The following SH3PXD2B variants were observed in gnomAD, a reference collection of about 807,000 sequenced individuals.
The protein encoded by SH3PXD2B is SH3 and PX domain-containing protein 2B.
A neutral mutation model predicts 73.1 loss-of-function variants in SH3PXD2B; 37 were observed. The ratio of observed to expected loss-of-function variants is 0.51; its 90% CI spans 0.39 to 0.67. The LOEUF is 0.67. SH3PXD2B is among the 30% of genes least tolerant of loss of function. The pLI is 0.00. For synonymous variants in SH3PXD2B, 457 were observed against 480.5 expected, an observed-to-expected ratio of 0.95 and a Z score of 0.64; for missense variants, 1,053 against 1,197.8, an observed-to-expected ratio of 0.88 and a Z score of 1.78.
In SH3PXD2B at chr5:172,383,174, C is replaced by T. The variant is rs141619775; in HGVS notation, c.310-1047G>A. Among the ~76,000 whole-genome samples the T allele has an allele frequency of 1.6e-4, 25 of 152,274 alleles. No homozygotes were observed. In the East Asian group the frequency reaches 3.9e-3, roughly 23 times the overall value. On this transcript the variant is annotated intron_variant, in intron 4 of 12. Coordinates refer to ENST00000311601, the MANE Select transcript of SH3PXD2B (RefSeq NM_001017995.3). The stretch of plus-strand genomic sequence containing the variant: ...ATGCTCACATATATGTCTTAACTCA[C>T]GAATCTGAAGCATTAAAGTGAAGGG...
chr5:172,447,470 TACTAGGTTTGTA>T (rs1405814435), intron 1 of SH3PXD2B, among the ~76,000 whole-genome samples: 1 of 152,248 alleles, frequency 6.6e-6, no homozygotes, highest in Non-Finnish European at 1.5e-5. Flanking sequence ...TCATAAATGA[TACTAGGTTTGTA>T]CACTCCTAAT....
intron 2 of SH3PXD2B, among the ~76,000 whole-genome samples, chr5:172,408,627 C>T (rs1163498546): frequency 1.3e-5 from 2 of 150,750 alleles, no homozygotes; most frequent in African/African-American, 4.9e-5. Context: ...CAACCTCCAC[C>T]TCCCAGGTTC....
At chr5:172,400,997 A>G (rs191307575) in intron 3 of SH3PXD2B, among the ~76,000 whole-genome samples, 139 of 152,356 alleles carry the variant, frequency 9.1e-4, no homozygotes, top group African/African-American at 3.2e-3. Context: ...TAGTCACTGC[A>G]CTGGCCACCA....
At chr5:172,331,447 A>AT (rs985274367), downstream of SH3PXD2B, among the ~76,000 whole-genome samples, 2 of 152,198 alleles carry the variant, frequency 1.3e-5, no homozygotes, top group African/African-American at 4.8e-5. Flanking sequence ...TTTGAGAGCC[A>AT]TTGATTAGGA....
At chr5:172,375,977 C>T (rs1353351777) in intron 5 of SH3PXD2B, among the ~76,000 whole-genome samples, 1 of 151,818 alleles carries the variant, frequency 6.6e-6, no homozygotes, top group African/African-American at 2.4e-5. Flanking sequence ...CCACCAGCAA[C>T]GTATGAAGGT....
downstream of SH3PXD2B, among the ~76,000 whole-genome samples, chr5:172,329,081 A>ATTTTTTTTTTTT (rs67185423): frequency 2.9e-5 from 2 of 68,216 alleles, no homozygotes; most frequent in African/African-American, 1.2e-4. Context: ...ATATATATAT[A>ATTTTTTTTTTTT]TATTTTTTTT....
Position 172,333,522 on chromosome 5 carries a change from T to G in SH3PXD2B, c.*4847A>C, listed in dbSNP as rs972835318. 3 of 1,167,290 alleles carry G rather than the reference T, an allele frequency of 2.6e-6. No individual in the cohort carries two copies. Among genetic ancestry groups the G allele is most frequent in the African/African-American group, 3.5e-5 (2 of 57,458 alleles). The allele number at this position is 1,167,290 out of a possible 1,614,324, so 72.3% of individuals were successfully genotyped here. A position where few individuals can be genotyped will look rare whatever the true frequency, so the allele number is the denominator to read the frequency against. ...TCTTCATGATGAAGCTTGAAACCAG[T>G]CAAGCACTTTTTTTATTTAAAAAAA... On this transcript the variant is annotated 3_prime_UTR_variant, in exon 13 of 13. Coordinates refer to ENST00000311601, the MANE Select transcript of SH3PXD2B (RefSeq NM_001017995.3).
downstream of SH3PXD2B, among the ~76,000 whole-genome samples, chr5:172,330,615 A>G (rs1189882705): frequency 6.6e-6 from 1 of 152,240 alleles, no homozygotes; most frequent in Non-Finnish European, 1.5e-5. Flanking sequence ...TCTCAAACTA[A>G]TGTACCTTCA....
In SH3PXD2B at chr5:172,347,745, G is replaced by A. The variant is rs548664318; in HGVS notation, c.1013-413C>T. 1.1e-4 allele frequency among the ~76,000 whole-genome samples: 16 copies of A among 152,296 alleles called. 1 individual carries two copies. The highest frequency in any genetic ancestry group is 1.0e-3 in the Admixed American group (16 of 15,298). On this transcript the variant is annotated intron_variant, in intron 10 of 12. Coordinates refer to ENST00000311601, the MANE Select transcript of SH3PXD2B (RefSeq NM_001017995.3). ...CTCATCTGTAGAACTGGCATAATGT[G>A]TGTCACCCAGGGCAGCGGTGAGGAT...
In SH3PXD2B at chr5:172,333,891, T is replaced by C. The variant is rs1756624216; in HGVS notation, c.*4478A>G. 3 of 1,272,622 alleles carry C rather than the reference T, an allele frequency of 2.4e-6. No individual in the cohort carries two copies. Among genetic ancestry groups the C allele is most frequent in the South Asian group, 1.3e-5 (1 of 77,814 alleles). The allele number at this position is 1,272,622 out of a possible 1,614,324, so 78.8% of individuals were successfully genotyped here. A position where few individuals can be genotyped will look rare whatever the true frequency, so the allele number is the denominator to read the frequency against. ...TAAGTGAAAGGGGCGCTAACAATAA[T>C]TACACGGGCACAAAGGCATACATGG... On this transcript the variant is annotated 3_prime_UTR_variant, in exon 13 of 13. Coordinates refer to ENST00000311601, the MANE Select transcript of SH3PXD2B (RefSeq NM_001017995.3).
intron 10 of SH3PXD2B, among the ~76,000 whole-genome samples, chr5:172,347,546 C>G (rs1278860554): frequency 2.6e-5 from 4 of 151,574 alleles, no homozygotes; most frequent in African/African-American, 7.3e-5. Context: ...TTTCTTGCAT[C>G]TTTTCTACAC....
chr5:172,421,130 C>T lies in SH3PXD2B; in HGVS notation c.156+1286G>A, dbSNP rs927992410. On this transcript the variant is annotated intron_variant, in intron 2 of 12. Coordinates refer to ENST00000311601, the MANE Select transcript of SH3PXD2B (RefSeq NM_001017995.3). This position sits in a 1 kb window ranked among gnomAD's most constrained non-coding sequence, Gnocchi z 4.0. The stretch of plus-strand genomic sequence containing the variant: ...GCCTGAGAGGTGACATAGCCCCTTA[C>T]CAGGAGGCTGGGAGAAGACACATGT... 3.3e-5 allele frequency among the ~76,000 whole-genome samples: 5 copies of T among 152,178 alleles called. No homozygotes were observed. Among genetic ancestry groups the T allele is most frequent in the African/African-American group, 1.2e-4 (5 of 41,438 alleles).
intron 5 of SH3PXD2B, among the ~76,000 whole-genome samples, chr5:172,381,663 C>T (rs927069018): frequency 9.2e-5 from 14 of 152,188 alleles, no homozygotes; most frequent in South Asian, 2.1e-4. Context: ...GGGTTGCTCC[C>T]GCATTCACAT....
At chr5:172,432,062 A>G (rs1220311964) in intron 1 of SH3PXD2B, among the ~76,000 whole-genome samples, 1 of 152,064 alleles carries the variant, frequency 6.6e-6, no homozygotes, top group Non-Finnish European at 1.5e-5. Context: ...AATCCCAGCT[A>G]CTGGAGAGGC....
chr5:172,434,070 T>C (rs1053803151), intron 1 of SH3PXD2B, among the ~76,000 whole-genome samples: 2 of 152,068 alleles, frequency 1.3e-5, no homozygotes, highest in Non-Finnish European at 2.9e-5. Context: ...GTAGACTAAC[T>C]ATAGTTAACA....
chr5:172,359,630 G>C (rs899944550), intron 7 of SH3PXD2B, among the ~76,000 whole-genome samples: 3 of 152,174 alleles, frequency 2.0e-5, no homozygotes, highest in Non-Finnish European at 4.4e-5. Flanking sequence ...ATCTGCTTCA[G>C]AGGCCTCTCA....
chr5:172,346,338 C>T, intron 11 of SH3PXD2B, 77 bp from the exon 12 acceptor site: 6 of 1,605,066 alleles, frequency 3.7e-6, no homozygotes, highest in Non-Finnish European at 5.1e-6. Flanking sequence ...AGTCTAAGGG[C>T]CTGGGGCATG....
chr5:172,411,744 TGTTATTTTGAAA>T (rs1353713270), intron 2 of SH3PXD2B, among the ~76,000 whole-genome samples: 12 of 152,124 alleles, frequency 7.9e-5, no homozygotes, highest in African/African-American at 2.9e-4. Flanking sequence ...ATATTGAATA[TGTTATTTTGAAA>T]GTTATTTGGG....
chr5:172,397,222 C>T (rs562751996), intron 3 of SH3PXD2B, among the ~76,000 whole-genome samples: 24 of 152,298 alleles, frequency 1.6e-4, no homozygotes, highest in African/African-American at 4.8e-4. Context: ...TCTCCTGTAG[C>T]GCTCCCAGTC....
Sources: gnomAD v4.1 joint callset for allele counts (sites outside exome capture counted in the v4.1 genomes callset) on GRCh38, gnomAD v4.1.1 for gene constraint, Gnocchi (gnomAD v3.1) non-coding constraint, MANE v1.5 for transcripts, NCBI Gene and HGNC (gene_info 2026-07-23, HGNC 2026-07-21) for gene names.